The following WFDC2 variants were observed in gnomAD, a reference collection of about 807,000 sequenced individuals.
The protein encoded by WFDC2 is WAP four-disulfide core domain protein 2.
Under a neutral mutation model 12.5 loss-of-function variants are expected in WFDC2, and 8 were observed. The observed-to-expected ratio is 0.64, with a 90% CI of 0.37 to 1.15. The LOEUF is 1.15. Ranked by LOEUF, WFDC2 falls within the 50% of genes most tolerant of loss-of-function variation. The probability of loss-of-function intolerance (pLI) is 0.01; values close to 1 mark genes in which losing one functional copy is unlikely to be tolerated. For missense variants in WFDC2, 166 were observed against 159.9 expected, an observed-to-expected ratio of 1.04 and a Z score of -0.21; for synonymous variants, 74 against 67.2, an observed-to-expected ratio of 1.10 and a Z score of -0.49.
At chr20:45,475,485 C>A (rs369803176) in intron 2 of WFDC2, among the ~76,000 whole-genome samples, 2 of 152,078 alleles carry the variant, frequency 1.3e-5, no homozygotes, top group African/African-American at 4.8e-5. Context: ...TAAGGTTATG[C>A]GGTCTTGAGT....
chr20:45,474,063 T>C (rs898765145), intron 2 of WFDC2, among the ~76,000 whole-genome samples: 1 of 152,252 alleles, frequency 6.6e-6, no homozygotes, highest in African/African-American at 2.4e-5. Context: ...TCTTATCAGC[T>C]TAAGGAGATT....
chr20:45,474,990 T>A (rs1245085961), intron 2 of WFDC2, among the ~76,000 whole-genome samples: 1 of 152,246 alleles, frequency 6.6e-6, no homozygotes, highest in Non-Finnish European at 1.5e-5. Flanking sequence ...TATTCTCTGA[T>A]GGTAGATTGT....
intron 2 of WFDC2, among the ~76,000 whole-genome samples, chr20:45,476,627 G>A (rs1328087797): frequency 6.6e-6 from 1 of 152,094 alleles, no homozygotes; most frequent in Non-Finnish European, 1.5e-5. Flanking sequence ...TTCAACCTTG[G>A]TGAATCTGAT....
In WFDC2 at chr20:45,470,100, T is replaced by A. The variant is rs1600845467; in HGVS notation, c.79+240T>A. 6.6e-6 allele frequency among the ~76,000 whole-genome samples: 1 copy of A among 152,074 alleles called. No individual in the cohort carries two copies. Among genetic ancestry groups the A allele is most frequent in the South Asian group, 2.1e-4 (1 of 4,826 alleles). On this transcript the variant is annotated intron_variant, in intron 1 of 3. Transcript: ENST00000372676. The surrounding 1 kb of genome is among the most constrained non-coding windows in gnomAD (Gnocchi z 5.4). ...CGGACACTCCGTGGCTGCAGTGGGC[T>A]GGGGGTGGGGGCTGCTCTGCCTCGA...
At chr20:45,475,145 T>C (rs558470627) in intron 2 of WFDC2, among the ~76,000 whole-genome samples, 3 of 152,210 alleles carry the variant, frequency 2.0e-5, no homozygotes, top group African/African-American at 7.2e-5. Context: ...ATTCATTGAT[T>C]TTTTTTGAAG....
At chr20:45,472,069 G>T (rs113247313) in intron 2 of WFDC2, among the ~76,000 whole-genome samples, 18 of 152,154 alleles carry the variant, frequency 1.2e-4, no homozygotes, top group Non-Finnish European at 2.1e-4. Flanking sequence ...CCTTTCAAGA[G>T]AATGAATTTC....
At chr20:45,480,428 A>G (rs1991287761) in intron 3 of WFDC2, among the ~76,000 whole-genome samples, 2 of 150,834 alleles carry the variant, frequency 1.3e-5, no homozygotes, top group Admixed American at 1.3e-4. Context: ...CAACATGGAG[A>G]AACCCCGTCT....
chr20:45,479,696 G>C, intron 2 of WFDC2: 1 of 1,614,032 alleles, frequency 6.2e-7, no homozygotes, highest in Non-Finnish European at 8.5e-7. Context: ...TCTGGCCCTA[G>C]GCCACGAAGG....
chr20:45,470,700 G>C lies in WFDC2; in HGVS notation c.223+168G>C, dbSNP rs765779404. The stretch of plus-strand genomic sequence containing the variant: ...AGTCCTCTCCCTCGCACGGCCCAGG[G>C]GTAGACAAAGGCGTCGTTGAAACGC... On this transcript the variant is annotated intron_variant, in intron 2 of 3. Coordinates refer to ENST00000372676, the MANE Select transcript of WFDC2 (RefSeq NM_006103.4). The surrounding 1 kb of genome is among the most constrained non-coding windows in gnomAD (Gnocchi z 5.4). 1.7e-4 allele frequency among the ~76,000 whole-genome samples: 26 copies of C among 152,244 alleles called. No individual in the cohort carries two copies. The highest frequency in any genetic ancestry group is 5.5e-4 in the African/African-American group (23 of 41,552).
chr20:45,471,900 G>T (rs1758611407), intron 2 of WFDC2, among the ~76,000 whole-genome samples: 2 of 152,134 alleles, frequency 1.3e-5, no homozygotes, highest in Non-Finnish European at 2.9e-5. Flanking sequence ...TCTAAGATGG[G>T]AATAATTCCA....
chr20:45,470,343 C>T lies in WFDC2; in HGVS notation c.80-46C>T. The T allele has an allele frequency of 6.5e-7, 1 of 1,538,010 alleles. No individual in the cohort carries two copies. Among genetic ancestry groups the T allele is most frequent in the South Asian group, 1.2e-5 (1 of 82,640 alleles). On this transcript the variant is annotated intron_variant, in intron 1 of 3. Coordinates refer to ENST00000372676, the MANE Select transcript of WFDC2 (RefSeq NM_006103.4). This position sits in a 1 kb window ranked among gnomAD's most constrained non-coding sequence, Gnocchi z 5.4. ...AGCAGGAGGTGGGCATCCTCTGGGG[C>T]TGGCGCTACGCCCCACCCTCGACTG...
At chr20:45,480,379 G>A (rs748430932) in intron 3 of WFDC2, among the ~76,000 whole-genome samples, 2 of 151,792 alleles carry the variant, frequency 1.3e-5, no homozygotes, top group Non-Finnish European at 2.9e-5. Context: ...GCTGAGGTGT[G>A]CGGATCACCT....
chr20:45,478,826 G>T (rs567614443), intron 2 of WFDC2, among the ~76,000 whole-genome samples: 1 of 151,804 alleles, frequency 6.6e-6, no homozygotes, highest in East Asian at 1.9e-4. Context: ...GGGGGGTCTC[G>T]AGTCCTGACC....
chr20:45,480,386 ACC>A lies in WFDC2; in HGVS notation c.*1+293_*1+294del, dbSNP rs1264617900. 9.3e-5 allele frequency among the ~76,000 whole-genome samples: 14 copies of A among 151,040 alleles called. 1 individual carries two copies. Among genetic ancestry groups the A allele is most frequent in the African/African-American group, 3.4e-4 (14 of 41,084 alleles). On this transcript the variant is annotated intron_variant, in intron 3 of 3. Coordinates refer to ENST00000372676, the MANE Select transcript of WFDC2 (RefSeq NM_006103.4). Reference sequence around the variant, plus strand: ...TTTGGGAGGCTGAGGTGTGCGGATCACCTGAGGTCGGGAGTTCAAGACCAGCC... The same window carrying A: ...TTTGGGAGGCTGAGGTGTGCGGATCATGAGGTCGGGAGTTCAAGACCAGCC...
Position 45,479,965 on chromosome 20 carries a change from G to A in WFDC2, c.247G>A (p.Val83Met). The change falls in exon 3 of 4, where the codon GTG becomes ATG. Residue 83 changes from valine (V) to methionine (M), a missense_variant. Val to Met is a conservative substitution (Grantham distance 21). Transcript: ENST00000372676. The part of the protein sequence containing the change: ...PNDKEGSCPQ[V>M]NINFPQLGLC... ...AGATAAGGAGGGTTCCTGCCCCCAG[G>A]TGAACATTAACTTTCCCCAGCTCGG... is the stretch of plus-strand genomic sequence containing the variant. 1 of 1,614,234 alleles carries A rather than the reference G, an allele frequency of 6.2e-7. No individual in the cohort carries two copies. Among genetic ancestry groups the A allele is most frequent in the South Asian group, 1.1e-5 (1 of 91,082 alleles).
intron 2 of WFDC2, among the ~76,000 whole-genome samples, chr20:45,477,182 T>C (rs1027823515): frequency 5.3e-5 from 8 of 152,058 alleles, no homozygotes; most frequent in African/African-American, 1.7e-4. Flanking sequence ...CTTCTGTCAA[T>C]TTGTCAAACT....
intron 2 of WFDC2, chr20:45,471,239 A>G (rs991330547): frequency 1.7e-5 from 8 of 460,744 alleles, no homozygotes; most frequent in Non-Finnish European, 2.7e-5. Context: ...AATCTCTTCC[A>G]CTCTAAGGAT....
chr20:45,471,787 T>A (rs1251459453), intron 2 of WFDC2, among the ~76,000 whole-genome samples: 1 of 152,188 alleles, frequency 6.6e-6, no homozygotes, highest in African/African-American at 2.4e-5. Context: ...CAAGGTCAGA[T>A]GGCCTCCTGA....
chr20:45,478,276 AGG>A lies in WFDC2; in HGVS notation c.224-1664_224-1663del, dbSNP rs933511269. On this transcript the variant is annotated intron_variant, in intron 2 of 3. Coordinates refer to ENST00000372676, the MANE Select transcript of WFDC2 (RefSeq NM_006103.4). ...CCACCTAGTTTTGTGCTTGAAACCC[AGG>A]GCCCTGGTGGTGTAGGCACCCAAAG... is the stretch of plus-strand genomic sequence containing the variant. Among the ~76,000 whole-genome samples, 13 of 152,240 alleles carry A rather than the reference AGG, an allele frequency of 8.5e-5. 1 individual carries two copies. The highest frequency in any genetic ancestry group is 3.1e-4 in the African/African-American group (13 of 41,536).
Sources: allele counts gnomAD v4.1 joint callset (sites outside exome capture counted in the v4.1 genomes callset), GRCh38; gene constraint gnomAD v4.1.1; non-coding constraint Gnocchi (gnomAD v3.1); transcripts MANE v1.5; gene names NCBI Gene and HGNC (gene_info 2026-07-23, HGNC 2026-07-21).